The following SLC25A21 variants were observed in gnomAD, a reference collection of about 807,000 sequenced individuals.
SLC25A21 encodes solute carrier family 25 member 21, also known as mitochondrial 2-oxodicarboxylate carrier.
Under a neutral mutation model 43.8 loss-of-function variants are expected in SLC25A21, and 47 were observed. The ratio of observed to expected loss-of-function variants is 1.07; its 90% confidence interval spans 0.85 to 1.37. SLC25A21 has a LOEUF of 1.37. SLC25A21 is among the 40% of genes most tolerant of loss of function. The pLI, the probability that SLC25A21 is intolerant of heterozygous loss-of-function variation, is 0.00. For missense variants in SLC25A21, 352 were observed against 350.2 expected (o/e 1.00, Z -0.04); for synonymous variants, 131 against 121.3 (o/e 1.08, Z -0.52).
chr14:37,152,211 G>C (rs1045293595), intron 1 of SLC25A21, among the ~76,000 whole-genome samples: 4 of 152,000 alleles, frequency 2.6e-5, no homozygotes, highest in African/African-American at 9.7e-5. Flanking sequence ...AATATCCCAG[G>C]AAGTTCATTG....
intron 1 of SLC25A21, among the ~76,000 whole-genome samples, chr14:36,955,029 G>A (rs1400768129): frequency 6.6e-6 from 1 of 152,088 alleles, no homozygotes; most frequent in Non-Finnish European, 1.5e-5. Context: ...GGGAGTTTTT[G>A]CATGTTTTTT....
chr14:36,986,306 G>A (rs532508828), intron 1 of SLC25A21, among the ~76,000 whole-genome samples: 3 of 151,836 alleles, frequency 2.0e-5, no homozygotes, highest in South Asian at 2.1e-4. Flanking sequence ...TTTCATATTA[G>A]TAACCTCCAT....
chr14:36,768,259 C>G (rs1478262402), intron 3 of SLC25A21, among the ~76,000 whole-genome samples: 1 of 152,080 alleles, frequency 6.6e-6, no homozygotes, highest in East Asian at 1.9e-4. Flanking sequence ...AGTTTGAGAA[C>G]CAGCAAGCTA....
At chr14:36,726,483 G>A (rs528580361) in intron 5 of SLC25A21, among the ~76,000 whole-genome samples, 32 of 151,688 alleles carry the variant, frequency 2.1e-4, no homozygotes, top group African/African-American at 7.2e-4. Context: ...AGAAAAGAAA[G>A]ACAAAGACAA....
intron 1 of SLC25A21, among the ~76,000 whole-genome samples, chr14:37,108,511 G>A (rs1485724546): frequency 6.6e-6 from 1 of 152,124 alleles, no homozygotes; most frequent in African/African-American, 2.4e-5. Context: ...TGAACAGAAT[G>A]AAAAGAATAC....
chr14:36,912,128 T>G (rs1166845294), intron 1 of SLC25A21, among the ~76,000 whole-genome samples: 1 of 152,220 alleles, frequency 6.6e-6, no homozygotes, highest in Non-Finnish European at 1.5e-5. Context: ...ACAGACTGCC[T>G]ATCCATTGCC....
At chr14:37,162,156 G>A (rs975642498) in intron 1 of SLC25A21, among the ~76,000 whole-genome samples, 7 of 152,076 alleles carry the variant, frequency 4.6e-5, no homozygotes, top group African/African-American at 1.7e-4. Context: ...TCTCCAGAAG[G>A]AGCCAACCCT....
chr14:36,745,406 G>A (rs1259756962), intron 3 of SLC25A21, among the ~76,000 whole-genome samples: 1 of 152,102 alleles, frequency 6.6e-6, no homozygotes, highest in Non-Finnish European at 1.5e-5. Flanking sequence ...CTAGATCCTT[G>A]AGGAATCGCC....
chr14:36,812,616 T>C (rs1167884709), intron 3 of SLC25A21, among the ~76,000 whole-genome samples: 1 of 151,974 alleles, frequency 6.6e-6, no homozygotes, highest in East Asian at 1.9e-4. Context: ...ATTAATTTAA[T>C]AAATTGCAAC....
intron 1 of SLC25A21, among the ~76,000 whole-genome samples, chr14:36,975,682 A>G (rs1452922026): frequency 6.6e-6 from 1 of 152,234 alleles, no homozygotes; most frequent in African/African-American, 2.4e-5. Context: ...AATCTTGTGT[A>G]GTCCATCACA....
chr14:37,148,216 G>A lies in SLC25A21; in HGVS notation c.70+24065C>T, dbSNP rs567911873. ...GAGTCTTTTTTCATTCAACTTGCCC[G>A]CAAATGTGATTTTATATATACTGTC... On this transcript the variant is annotated intron_variant, in intron 1 of 9. Coordinates refer to ENST00000331299, the MANE Select transcript of SLC25A21 (RefSeq NM_030631.4). 3.3e-5 allele frequency among the ~76,000 whole-genome samples: 5 copies of A among 152,070 alleles called. No homozygotes were observed. The East Asian group carries it at 7.7e-4, about 24-fold the overall frequency.
At chr14:37,158,153 T>C (rs72669579) in intron 1 of SLC25A21, among the ~76,000 whole-genome samples, 6,778 of 152,082 alleles carry the variant, frequency 0.045, 295 homozygotes, top group Admixed American at 0.1. Context: ...CTACCAAACA[T>C]ACAAAGAAAA....
At chr14:36,892,985 C>T (rs141259684) in intron 1 of SLC25A21, among the ~76,000 whole-genome samples, 1,822 of 152,064 alleles carry the variant, frequency 0.012, 9 homozygotes, top group East Asian at 0.025. Flanking sequence ...TCTTTGCTAT[C>T]GTGAATAGTG....
At chr14:36,764,462 A>G (rs903621120) in intron 3 of SLC25A21, among the ~76,000 whole-genome samples, 1 of 150,970 alleles carries the variant, frequency 6.6e-6, no homozygotes, top group Non-Finnish European at 1.5e-5. Flanking sequence ...TTGAAGCACA[A>G]GCTGCCACGC....
intron 3 of SLC25A21, among the ~76,000 whole-genome samples, chr14:36,740,136 C>G (rs116788206): frequency 6.6e-6 from 1 of 152,082 alleles, no homozygotes; most frequent in African/African-American, 2.4e-5. Flanking sequence ...AGCCTTAAAT[C>G]GAAATTCTTA....
At chr14:36,742,571 G>T (rs1885316092) in intron 3 of SLC25A21, among the ~76,000 whole-genome samples, 1 of 152,120 alleles carries the variant, frequency 6.6e-6, no homozygotes, top group Non-Finnish European at 1.5e-5. Context: ...GCATCTTGGG[G>T]CCATTTTCAT....
At chr14:36,755,699 C>T (rs1185274909) in intron 3 of SLC25A21, among the ~76,000 whole-genome samples, 1 of 152,098 alleles carries the variant, frequency 6.6e-6, no homozygotes. Context: ...ACACATAGAT[C>T]GTTTTTATCA....
At chr14:37,039,802 A>G (rs1187534037) in intron 1 of SLC25A21, among the ~76,000 whole-genome samples, 1 of 152,190 alleles carries the variant, frequency 6.6e-6, no homozygotes, top group Non-Finnish European at 1.5e-5. Flanking sequence ...AATCTATGCC[A>G]TGAGGGAGAT....
chr14:37,086,517 T>C (rs749918206), intron 1 of SLC25A21, among the ~76,000 whole-genome samples: 29 of 152,174 alleles, frequency 1.9e-4, no homozygotes, highest in Admixed American at 2.6e-4. Flanking sequence ...ATTTAGGTGT[T>C]TGTATAAGGA....
Sources: gnomAD v4.1 joint callset for allele counts (sites outside exome capture counted in the v4.1 genomes callset) on GRCh38, gnomAD v4.1.1 for gene constraint, MANE v1.5 for transcripts, NCBI Gene and HGNC (gene_info 2026-07-23, HGNC 2026-07-21) for gene names.